The following ANKS1B variants were observed in gnomAD, a reference collection of about 807,000 sequenced individuals.
The protein encoded by ANKS1B is ankyrin repeat and sterile alpha motif domain-containing protein 1B.
Under a neutral mutation model 148.3 loss-of-function variants are expected in ANKS1B, and 36 were observed. That is an observed-to-expected ratio of 0.24 (90% CI 0.19 to 0.32). The LOEUF (loss-of-function observed/expected upper bound fraction) is 0.32, where lower values mean the gene tolerates loss of function less well. ANKS1B is among the 10% of genes least tolerant of loss of function. The pLI, the probability that ANKS1B is intolerant of heterozygous loss-of-function variation, is 1.00. For synonymous variants in ANKS1B, 542 were observed against 560.8 expected, an observed-to-expected ratio of 0.97 and a Z score of 0.47; for missense variants, 1,157 against 1,542.6, an observed-to-expected ratio of 0.75 and a Z score of 4.19.
At chr12:98,838,760 GCC>G (rs1312717633) in intron 17 of ANKS1B, among the ~76,000 whole-genome samples, 1 of 152,188 alleles carries the variant, frequency 6.6e-6, no homozygotes, top group African/African-American at 2.4e-5. Flanking sequence ...CTTCAGAGTA[GCC>G]TCTTCTAATA....
chr12:99,439,050 A>C (rs1252583257), intron 11 of ANKS1B, among the ~76,000 whole-genome samples: 2 of 151,882 alleles, frequency 1.3e-5, no homozygotes, highest in African/African-American at 4.8e-5. Flanking sequence ...CTACATGCCA[A>C]CAACAAACAA....
intron 15 of ANKS1B, among the ~76,000 whole-genome samples, chr12:99,121,547 G>A (rs2062885780): frequency 6.6e-6 from 1 of 152,022 alleles, no homozygotes; most frequent in South Asian, 2.1e-4. Flanking sequence ...AAAGAGGAAG[G>A]CAAGATGTCA....
chr12:99,425,531 G>GTTC (rs1356417130), intron 11 of ANKS1B, among the ~76,000 whole-genome samples: 2 of 151,790 alleles, frequency 1.3e-5, no homozygotes, highest in Non-Finnish European at 2.9e-5. Flanking sequence ...TTCCACCATT[G>GTTC]TTCTACAAGA....
At chr12:98,932,256 G>A (rs2099814335) in intron 17 of ANKS1B, among the ~76,000 whole-genome samples, 1 of 152,156 alleles carries the variant, frequency 6.6e-6, no homozygotes, top group Non-Finnish European at 1.5e-5. Context: ...TCTTCATGAG[G>A]AACAAGCTTT....
At chr12:99,204,678 T>C (rs943453147) in intron 14 of ANKS1B, among the ~76,000 whole-genome samples, 1 of 152,218 alleles carries the variant, frequency 6.6e-6, no homozygotes, top group African/African-American at 2.4e-5. Flanking sequence ...GTTTTGACGA[T>C]TCCCCCCTAA....
intron 8 of ANKS1B, among the ~76,000 whole-genome samples, chr12:99,699,963 C>T (rs1416314274): frequency 6.6e-6 from 1 of 152,076 alleles, no homozygotes; most frequent in Non-Finnish European, 1.5e-5. Flanking sequence ...AAAAGGTTTT[C>T]CTTTCTCAGT....
chr12:99,280,928 TAC>T (rs144380879), intron 12 of ANKS1B, among the ~76,000 whole-genome samples: 183 of 147,232 alleles, frequency 1.2e-3, no homozygotes, highest in Middle Eastern at 6.9e-3. Context: ...CGTGCGCACA[TAC>T]ACACACACAC....
chr12:99,649,671 G>C (rs556294349), intron 9 of ANKS1B: 1 of 361,862 alleles, frequency 2.8e-6, no homozygotes, highest in Non-Finnish European at 5.1e-6. Flanking sequence ...TTATAGCAAG[G>C]GCTGCATGCA....
chr12:98,966,363 C>G (rs2099877894), intron 17 of ANKS1B, among the ~76,000 whole-genome samples: 1 of 152,158 alleles, frequency 6.6e-6, no homozygotes, highest in Non-Finnish European at 1.5e-5. Context: ...CATCTCACAC[C>G]AGTTAGAATG....
chr12:99,142,780 GC>G (rs1358543909), intron 15 of ANKS1B, among the ~76,000 whole-genome samples: 1 of 152,084 alleles, frequency 6.6e-6, no homozygotes, highest in African/African-American at 2.4e-5. Flanking sequence ...GAACCTCACT[GC>G]TATTTATTCA....
intron 10 of ANKS1B, among the ~76,000 whole-genome samples, chr12:99,488,029 A>C (rs1235632281): frequency 6.6e-6 from 1 of 152,092 alleles, no homozygotes; most frequent in African/African-American, 2.4e-5. Flanking sequence ...AATTACGGCT[A>C]TGATATCTTC....
chr12:98,787,377 C>T (rs1002528328), intron 22 of ANKS1B, among the ~76,000 whole-genome samples: 2 of 152,176 alleles, frequency 1.3e-5, no homozygotes, highest in African/African-American at 2.4e-5. Context: ...CCCTGGGTCT[C>T]AGCGTGGTCT....
chr12:99,209,909 A>G (rs1313435819), intron 14 of ANKS1B, among the ~76,000 whole-genome samples: 1 of 152,016 alleles, frequency 6.6e-6, no homozygotes, highest in Non-Finnish European at 1.5e-5. Context: ...GTTAGCCCCA[A>G]GATAACCTCC....
At chr12:99,457,811 C>A (rs1402748948) in intron 10 of ANKS1B, among the ~76,000 whole-genome samples, 1 of 152,078 alleles carries the variant, frequency 6.6e-6, no homozygotes, top group Non-Finnish European at 1.5e-5. Context: ...ATGAGATGGA[C>A]AGCAACACAA....
intron 3 of ANKS1B, among the ~76,000 whole-genome samples, chr12:99,810,678 A>T (rs2068244066): frequency 6.6e-6 from 1 of 152,026 alleles, no homozygotes; most frequent in African/African-American, 2.4e-5. Context: ...TCTATTCAAC[A>T]TTACCAAAAA....
chr12:99,658,920 A>C (rs1224337276), intron 8 of ANKS1B, among the ~76,000 whole-genome samples: 1 of 152,328 alleles, frequency 6.6e-6, no homozygotes, highest in East Asian at 1.9e-4. Flanking sequence ...CCTTATTCAC[A>C]TTGTATCTCC....
intron 17 of ANKS1B, among the ~76,000 whole-genome samples, chr12:99,020,184 T>A (rs2099944934): frequency 6.6e-6 from 1 of 152,112 alleles, no homozygotes; most frequent in African/African-American, 2.4e-5. Flanking sequence ...ACCATCACCA[T>A]CATCCATCTC....
rs1235485870 is a variant in ANKS1B, at chr12:99,332,699, A to AG, written c.1756+66931_1756+66932insC. 2.6e-5 allele frequency among the ~76,000 whole-genome samples: 4 copies of AG among 151,028 alleles called. No individual in the cohort carries two copies. In the East Asian group the frequency reaches 7.8e-4, roughly 29 times the overall value. ...GGTGAGCTGAGCTTTCAAAAAAAAA[A>AG]AAGCTTTTTTTCTTTTTTCCAGGTG... is the stretch of plus-strand genomic sequence containing the variant. On this transcript the variant is annotated intron_variant, in intron 12 of 26. Coordinates refer to ENST00000683438, the MANE Select transcript of ANKS1B (RefSeq NM_001352186.2).
intron 1 of ANKS1B, among the ~76,000 whole-genome samples, chr12:99,908,184 T>C (rs2093861555): frequency 6.6e-6 from 1 of 152,142 alleles, no homozygotes; most frequent in African/African-American, 2.4e-5. Flanking sequence ...TTACATAATA[T>C]ACAGTTACTA....
Sources: allele counts gnomAD v4.1 joint callset (sites outside exome capture counted in the v4.1 genomes callset), GRCh38; gene constraint gnomAD v4.1.1; transcripts MANE v1.5; gene names NCBI Gene and HGNC (gene_info 2026-07-23, HGNC 2026-07-21).